The following TBC1D22A variants were observed in gnomAD, a reference collection of about 807,000 sequenced individuals.
The protein encoded by TBC1D22A is TBC1 domain family member 22A.
TBC1D22A carries 38 observed loss-of-function variants against 60.2 expected under a neutral mutation model. That is an observed-to-expected ratio of 0.63 (90% CI 0.49 to 0.83). The LOEUF is 0.83. TBC1D22A is among the 40% of genes least tolerant of loss of function. The pLI is 0.00. For missense variants in TBC1D22A, 628 were observed against 701.0 expected, an observed-to-expected ratio of 0.90 and a Z score of 1.18; for synonymous variants, 302 against 281.7, an observed-to-expected ratio of 1.07 and a Z score of -0.72.
chr22:46,842,648 A>G (rs2086820454), intron 4 of TBC1D22A, among the ~76,000 whole-genome samples: 1 of 152,264 alleles, frequency 6.6e-6, no homozygotes, highest in Non-Finnish European at 1.5e-5. Flanking sequence ...GAGTTTTAAC[A>G]AATGCATGAC....
At chr22:46,965,401 T>C (rs1602700348) in intron 8 of TBC1D22A, among the ~76,000 whole-genome samples, 1 of 152,210 alleles carries the variant, frequency 6.6e-6, no homozygotes, top group Non-Finnish European at 1.5e-5. Flanking sequence ...GGACTGTTTT[T>C]CTCCTGGATT....
At chr22:46,784,643 G>T (rs1233998046) in intron 1 of TBC1D22A, among the ~76,000 whole-genome samples, 2 of 152,230 alleles carry the variant, frequency 1.3e-5, no homozygotes, top group Non-Finnish European at 2.9e-5. Context: ...CTGTGATAAT[G>T]TTGCAGAGAC....
chr22:46,998,300 A>G (rs2075189183), intron 10 of TBC1D22A, among the ~76,000 whole-genome samples: 1 of 152,124 alleles, frequency 6.6e-6, no homozygotes, highest in Admixed American at 6.5e-5. Context: ...GCTGAGAGAT[A>G]ATGCTTGCCC....
chr22:47,082,675 C>T (rs1448781678), intron 11 of TBC1D22A, among the ~76,000 whole-genome samples: 1 of 152,198 alleles, frequency 6.6e-6, no homozygotes, highest in Non-Finnish European at 1.5e-5. Flanking sequence ...AAACCACAAA[C>T]AAGGTACTAC....
Position 46,803,525 on chromosome 22 carries a change from C to T in TBC1D22A, c.637+5905C>T, listed in dbSNP as rs564405640. Among the ~76,000 whole-genome samples, 250 of 152,324 alleles carry T rather than the reference C, an allele frequency of 1.6e-3. 1 individual carries two copies. Among genetic ancestry groups the T allele is most frequent in the African/African-American group, 5.8e-3 (243 of 41,572 alleles). On this transcript the variant is annotated intron_variant, in intron 4 of 12. Coordinates refer to ENST00000337137, the MANE Select transcript of TBC1D22A (RefSeq NM_014346.5). ...TTGCGACCCGGCCGTCAGCGTTCAG[C>T]GTCGCCCTCTAGTGGCCAGGTGCTG...
At chr22:46,987,346 C>G (rs1187105005) in intron 9 of TBC1D22A, among the ~76,000 whole-genome samples, 1 of 152,114 alleles carries the variant, frequency 6.6e-6, no homozygotes. Context: ...AGTAATCTTG[C>G]TAGAGTCACT....
At chr22:47,164,037 G>GT (rs1569479701) in intron 12 of TBC1D22A, among the ~76,000 whole-genome samples, 2 of 152,222 alleles carry the variant, frequency 1.3e-5, no homozygotes, top group African/African-American at 4.8e-5. Context: ...ACCGCGCCAG[G>GT]TAACAGAGCT....
chr22:47,162,442 C>G (rs1219669944), intron 12 of TBC1D22A, among the ~76,000 whole-genome samples: 1 of 152,158 alleles, frequency 6.6e-6, no homozygotes, highest in East Asian at 1.9e-4. Flanking sequence ...TCTCACTTCT[C>G]CAGTACCCTT....
At chr22:46,811,659 A>G (rs1414515113) in intron 4 of TBC1D22A, among the ~76,000 whole-genome samples, 1 of 152,242 alleles carries the variant, frequency 6.6e-6, no homozygotes, top group African/African-American at 2.4e-5. Context: ...ACAGAGGCTC[A>G]GTGTCTGGCT....
intron 8 of TBC1D22A, among the ~76,000 whole-genome samples, chr22:46,943,351 T>C (rs2072298045): frequency 6.6e-6 from 1 of 152,208 alleles, no homozygotes; most frequent in African/African-American, 2.4e-5. Context: ...CCGCACATGA[T>C]AGACCTTTGC....
chr22:47,154,281 A>T (rs2067625542), intron 12 of TBC1D22A, among the ~76,000 whole-genome samples: 1 of 152,132 alleles, frequency 6.6e-6, no homozygotes, highest in South Asian at 2.1e-4. Flanking sequence ...GTGTCCTGGT[A>T]TGGCCCTGCC....
chr22:46,959,549 A>G (rs888767879), intron 8 of TBC1D22A, among the ~76,000 whole-genome samples: 1 of 152,114 alleles, frequency 6.6e-6, no homozygotes, highest in African/African-American at 2.4e-5. Context: ...TTGCTGCCAC[A>G]CTGGAGACAG....
intron 9 of TBC1D22A, among the ~76,000 whole-genome samples, chr22:46,982,380 C>A (rs183244089): frequency 6.6e-6 from 1 of 152,226 alleles, no homozygotes; most frequent in African/African-American, 2.4e-5. Context: ...CCCGCCTCCA[C>A]GCCCGGCTAA....
intron 4 of TBC1D22A, among the ~76,000 whole-genome samples, chr22:46,848,483 A>G (rs2087121084): frequency 6.6e-6 from 1 of 152,208 alleles, no homozygotes. Flanking sequence ...CTGATTTCAG[A>G]GCAGCCTGTA....
rs150603445 is a variant in TBC1D22A, at chr22:47,038,525, G to A, written c.1329+1327G>A. Reference sequence around the variant, plus strand: ...TCCCACAGGGCCTCAGGCTGCGTGCGTTCTTCCCACAGGACAGGGTGCCTG... The same window carrying A: ...TCCCACAGGGCCTCAGGCTGCGTGCATTCTTCCCACAGGACAGGGTGCCTG... On this transcript the variant is annotated intron_variant, in intron 11 of 12. Transcript: ENST00000337137. Among the ~76,000 whole-genome samples the A allele has an allele frequency of 1.8e-3, 276 of 152,304 alleles. 1 individual carries two copies. Among genetic ancestry groups the A allele is most frequent in the African/African-American group, 6.3e-3 (263 of 41,562 alleles).
chr22:47,131,925 G>A (rs1015548484), intron 12 of TBC1D22A, among the ~76,000 whole-genome samples: 9 of 152,222 alleles, frequency 5.9e-5, no homozygotes, highest in Non-Finnish European at 1.2e-4. Flanking sequence ...ACTCGAGTTC[G>A]TGGCAGCACC....
intron 1 of TBC1D22A, among the ~76,000 whole-genome samples, chr22:46,765,996 TGTGTGTGTGTA>T (rs1248389896): frequency 7.0e-6 from 1 of 143,494 alleles, no homozygotes; most frequent in African/African-American, 2.7e-5. Context: ...TGTGTGTGTG[TGTGTGTGTGTA>T]TTTTTTTTGA....
At chr22:47,098,520 G>A (rs1023025096) in intron 11 of TBC1D22A, among the ~76,000 whole-genome samples, 7 of 152,208 alleles carry the variant, frequency 4.6e-5, no homozygotes, top group Admixed American at 4.6e-4. Context: ...CCAACCCCAT[G>A]CACCAGGCTG....
intron 4 of TBC1D22A, among the ~76,000 whole-genome samples, chr22:46,848,109 T>C (rs183579211): frequency 9.2e-5 from 14 of 152,358 alleles, no homozygotes; most frequent in Non-Finnish European, 1.8e-4. Context: ...GTTAGTTGGA[T>C]GATGGCTTTG....
Sources: allele counts gnomAD v4.1 joint callset (sites outside exome capture counted in the v4.1 genomes callset), GRCh38; gene constraint gnomAD v4.1.1; transcripts MANE v1.5; gene names NCBI Gene and HGNC (gene_info 2026-07-23, HGNC 2026-07-21).